Variants in RBFOX1 observed in about 807,000 individuals in gnomAD.
RBFOX1 encodes the protein RNA binding protein fox-1 homolog 1.
A neutral mutation model predicts 57.7 loss-of-function variants in RBFOX1; 8 were observed. The observed-to-expected ratio is 0.14, with a 90% confidence interval of 0.08 to 0.25. RBFOX1 has a LOEUF of 0.25. Among genes scored for constraint, RBFOX1 ranks in the 10% least tolerant of loss-of-function variants. The probability of loss-of-function intolerance (pLI) is 1.00; values close to 1 mark genes in which losing one functional copy is unlikely to be tolerated. For synonymous variants in RBFOX1, 326 were observed against 222.4 expected, an observed-to-expected ratio of 1.47 and a Z score of -4.15; for missense variants, 611 against 548.5, an observed-to-expected ratio of 1.11 and a Z score of -1.14.
At chr16:6,253,362 T>C (rs2097637120) in intron 1 of RBFOX1, among the ~76,000 whole-genome samples, 1 of 152,186 alleles carries the variant, frequency 6.6e-6, no homozygotes, top group Non-Finnish European at 1.5e-5. Flanking sequence ...AGCTGTGGGC[T>C]ACGCAACTTG....
intron 14 of RBFOX1, among the ~76,000 whole-genome samples, chr16:7,701,048 C>T (rs924233554): frequency 6.6e-6 from 1 of 152,076 alleles, no homozygotes; most frequent in African/African-American, 2.4e-5. Context: ...CAGATGTGTT[C>T]CCTCCTACTT....
intron 5 of RBFOX1, among the ~76,000 whole-genome samples, chr16:7,542,812 G>GAA (rs35350157): frequency 1.5e-3 from 218 of 146,840 alleles, no homozygotes; most frequent in African/African-American, 4.3e-3. Context: ...ACTGTCTGAG[G>GAA]AAAAAAAAAA....
chr16:7,261,322 C>T (rs1394060812), intron 4 of RBFOX1, among the ~76,000 whole-genome samples: 1 of 152,066 alleles, frequency 6.6e-6, no homozygotes, highest in African/African-American at 2.4e-5. Context: ...TAAAAGTTGG[C>T]TTGTGGTTAT....
intron 1 of RBFOX1, among the ~76,000 whole-genome samples, chr16:6,146,927 G>A (rs559541706): frequency 1.3e-5 from 2 of 152,210 alleles, no homozygotes; most frequent in South Asian, 4.2e-4. Flanking sequence ...GGCATCACGT[G>A]GCTCTTCATG....
intron 3 of RBFOX1, chr16:6,775,933 C>A (rs531535272): frequency 6.6e-6 from 1 of 152,110 alleles, no homozygotes; most frequent in African/African-American, 2.4e-5. Context: ...CTGTGGGTGA[C>A]GGGGAATGGC....
rs79486708 is a variant in RBFOX1 at position 6,936,350 on chromosome 16, C to T, written c.-15-115707C>T. ...TTTAATTACCAAGTTGTTGAACCAACTCTCAATGAGCATAGGCACAAACAG... is the reference window on the plus strand; with the variant it reads ...TTTAATTACCAAGTTGTTGAACCAATTCTCAATGAGCATAGGCACAAACAG... On this transcript the variant is annotated intron_variant, in intron 3 of 15. Transcript: ENST00000550418. 4.8e-3 allele frequency among the ~76,000 whole-genome samples: 725 copies of T among 152,306 alleles called. 6 individuals carry two copies. The highest frequency in any genetic ancestry group is 0.016 in the African/African-American group (679 of 41,558).
At chr16:6,412,485 A>G (rs138601453) in intron 2 of RBFOX1, among the ~76,000 whole-genome samples, 35 of 152,280 alleles carry the variant, frequency 2.3e-4, no homozygotes, top group African/African-American at 7.0e-4. Context: ...TGATCATCCT[A>G]TAAAAGTTAT....
chr16:7,621,897 T>C (rs1257438710), intron 10 of RBFOX1, among the ~76,000 whole-genome samples: 1 of 152,250 alleles, frequency 6.6e-6, no homozygotes, highest in Non-Finnish European at 1.5e-5. Flanking sequence ...CCTGTCATTT[T>C]AGCAGAAAAG....
chr16:6,797,607 C>T (rs566351812), intron 3 of RBFOX1, among the ~76,000 whole-genome samples: 8 of 152,160 alleles, frequency 5.3e-5, no homozygotes, highest in African/African-American at 1.9e-4. Context: ...TGAAACAGCA[C>T]CAGCATTAAC....
chr16:7,506,435 G>T (rs1375726213), intron 4 of RBFOX1, among the ~76,000 whole-genome samples: 1 of 152,198 alleles, frequency 6.6e-6, no homozygotes, highest in East Asian at 1.9e-4. Context: ...CTTGTTAAAT[G>T]AGGTAATGTA....
At chr16:7,282,390 G>A (rs1356726170) in intron 4 of RBFOX1, among the ~76,000 whole-genome samples, 2 of 152,148 alleles carry the variant, frequency 1.3e-5, no homozygotes, top group African/African-American at 4.8e-5. Context: ...AACTCACCCT[G>A]TATGAAGATA....
intron 2 of RBFOX1, among the ~76,000 whole-genome samples, chr16:6,623,122 G>C (rs2098256898): frequency 6.6e-6 from 1 of 152,218 alleles, no homozygotes; most frequent in South Asian, 2.1e-4. Context: ...GAAACATATG[G>C]GTGGACTGGC....
chr16:7,613,231 G>T lies in RBFOX1; in HGVS notation c.676+5893G>T, dbSNP rs556763972. ...AAAGAGATTCTGAATGGATACTCCTGAAAAGAACAATTTGTGGTTTTGAGA... is the reference window on the plus strand; with the variant it reads ...AAAGAGATTCTGAATGGATACTCCTTAAAAGAACAATTTGTGGTTTTGAGA... On this transcript the variant is annotated intron_variant, in intron 10 of 15. Transcript: ENST00000550418. Among the ~76,000 whole-genome samples, 71 of 152,254 alleles carry T rather than the reference G, an allele frequency of 4.7e-4. 3 individuals carry two copies. In the South Asian group the frequency reaches 0.015, roughly 32 times the overall value.
At chr16:6,343,863 C>G (rs1260521545) in intron 2 of RBFOX1, among the ~76,000 whole-genome samples, 1 of 152,108 alleles carries the variant, frequency 6.6e-6, no homozygotes, top group Non-Finnish European at 1.5e-5. Flanking sequence ...TTGTCTTCAT[C>G]CTTAAGAATC....
chr16:6,545,944 G>T (rs1427968649), intron 2 of RBFOX1, among the ~76,000 whole-genome samples: 1 of 152,202 alleles, frequency 6.6e-6, no homozygotes, highest in Non-Finnish European at 1.5e-5. Context: ...TCTGTGTACT[G>T]TTGTCTAAAA....
chr16:6,931,693 A>T (rs929596716), intron 3 of RBFOX1, among the ~76,000 whole-genome samples: 2 of 152,186 alleles, frequency 1.3e-5, no homozygotes, highest in Non-Finnish European at 2.9e-5. Flanking sequence ...TCAAAGTCAG[A>T]CAGTTTCTAG....
At chr16:7,125,679 C>G (rs1040739396) in intron 4 of RBFOX1, among the ~76,000 whole-genome samples, 2 of 152,112 alleles carry the variant, frequency 1.3e-5, no homozygotes, top group African/African-American at 4.8e-5. Flanking sequence ...GAGTTATTTG[C>G]TCTAAAATTT....
chr16:5,574,159 C>A (rs1047584935), intron 2 of RBFOX1, among the ~76,000 whole-genome samples: 4 of 152,176 alleles, frequency 2.6e-5, no homozygotes, highest in South Asian at 2.1e-4. Context: ...TATGCCTATG[C>A]GGATCTATGA....
chr16:5,658,955 A>G (rs539737417), intron 3 of RBFOX1, among the ~76,000 whole-genome samples: 2 of 151,654 alleles, frequency 1.3e-5, no homozygotes, highest in African/African-American at 2.4e-5. Flanking sequence ...CGTATTTGCA[A>G]TTGCAAATTG....
Sources: gnomAD v4.1 joint callset for allele counts (sites outside exome capture counted in the v4.1 genomes callset) on GRCh38, gnomAD v4.1.1 for gene constraint, MANE v1.5 for transcripts, NCBI Gene and HGNC (gene_info 2026-07-23, HGNC 2026-07-21) for gene names.